The following MIPOL1 variants were observed in gnomAD, a reference collection of about 807,000 sequenced individuals.
MIPOL1 encodes mirror-image polydactyly 1, also known as mirror-image polydactyly gene 1 protein.
A neutral mutation model predicts 60.9 loss-of-function variants in MIPOL1; 57 were observed. The observed-to-expected ratio is 0.94, with a 90% CI of 0.76 to 1.17. MIPOL1 has a LOEUF of 1.17. Among genes scored for constraint, MIPOL1 ranks in the 50% most tolerant of loss-of-function variants. The probability of loss-of-function intolerance (pLI) is 0.00; values close to 1 mark genes in which losing one functional copy is unlikely to be tolerated. For missense variants in MIPOL1, 551 were observed against 511.6 expected, an observed-to-expected ratio of 1.08 and a Z score of -0.74; for synonymous variants, 179 against 168.8, an observed-to-expected ratio of 1.06 and a Z score of -0.47.
intron 11 of MIPOL1, among the ~76,000 whole-genome samples, chr14:37,442,325 G>T (rs1183108049): frequency 1.3e-5 from 2 of 151,946 alleles, no homozygotes; most frequent in African/African-American, 2.4e-5. Context: ...AAAGAGAGAT[G>T]GTTTGACTTC....
chr14:37,377,746 C>CTTTTTTTTT (rs370238755), intron 10 of MIPOL1, among the ~76,000 whole-genome samples: 1 of 120,974 alleles, frequency 8.3e-6, no homozygotes, highest in African/African-American at 3.1e-5. Context: ...ATTTTTATGC[C>CTTTTTTTTT]TTTTTTTTTT....
chr14:37,432,091 G>A (rs1025525666), intron 11 of MIPOL1, among the ~76,000 whole-genome samples: 2 of 152,094 alleles, frequency 1.3e-5, no homozygotes, highest in African/African-American at 4.8e-5. Flanking sequence ...TTCTCATGTC[G>A]TCATTTCCTC....
chr14:37,235,996 G>T (rs1327822864), intron 1 of MIPOL1, among the ~76,000 whole-genome samples: 1 of 151,022 alleles, frequency 6.6e-6, no homozygotes, highest in Non-Finnish European at 1.5e-5. Context: ...GCACGATCTC[G>T]GCTCACTGCA....
At chr14:37,287,052 C>G (rs947145615) in intron 7 of MIPOL1, among the ~76,000 whole-genome samples, 1 of 152,068 alleles carries the variant, frequency 6.6e-6, no homozygotes, top group African/African-American at 2.4e-5. Flanking sequence ...ATTGGTTCTG[C>G]TGCTTCCTTG....
At chr14:37,199,646 T>C (rs1566960332) in intron 1 of MIPOL1, among the ~76,000 whole-genome samples, 1 of 152,074 alleles carries the variant, frequency 6.6e-6, no homozygotes, top group Non-Finnish European at 1.5e-5. Flanking sequence ...TGTCTCAGCC[T>C]CCCGAGTAGC....
chr14:37,240,940 T>TACACACACAC (rs10554089), intron 1 of MIPOL1, among the ~76,000 whole-genome samples: 2 of 145,990 alleles, frequency 1.4e-5, no homozygotes, highest in Admixed American at 6.8e-5. Context: ...CACACACACA[T>TACACACACAC]ACACACACAC....
chr14:37,479,365 A>G (rs898433704), intron 11 of MIPOL1, among the ~76,000 whole-genome samples: 1 of 152,180 alleles, frequency 6.6e-6, no homozygotes, highest in East Asian at 1.9e-4. Flanking sequence ...CCACGTTAGT[A>G]TGAACCCTAG....
intron 1 of MIPOL1, among the ~76,000 whole-genome samples, chr14:37,241,907 C>T (rs1292449914): frequency 6.6e-6 from 1 of 152,000 alleles, no homozygotes; most frequent in Admixed American, 6.6e-5. Flanking sequence ...ACATTCTTGC[C>T]ATATGTATTA....
At chr14:37,424,299 G>T (rs1000931821) in intron 11 of MIPOL1, among the ~76,000 whole-genome samples, 1 of 152,106 alleles carries the variant, frequency 6.6e-6, no homozygotes, top group African/African-American at 2.4e-5. Flanking sequence ...AAAGTCAGTA[G>T]GGTGGGCTCT....
At chr14:37,209,755 G>A (rs977064339) in intron 1 of MIPOL1, among the ~76,000 whole-genome samples, 1 of 152,154 alleles carries the variant, frequency 6.6e-6, no homozygotes, top group African/African-American at 2.4e-5. Flanking sequence ...CCAGGCTGGA[G>A]TACAGTGGTG....
At chr14:37,214,438 C>T (rs976658433) in intron 1 of MIPOL1, among the ~76,000 whole-genome samples, 1 of 152,114 alleles carries the variant, frequency 6.6e-6, no homozygotes, top group African/African-American at 2.4e-5. Context: ...TATTTGCAAG[C>T]CTCATTGTGG....
rs116483905 is a variant in MIPOL1, at chr14:37,266,260, A to T, written c.20-678A>T. Among the ~76,000 whole-genome samples, 384 of 152,322 alleles carry T rather than the reference A, an allele frequency of 2.5e-3. 1 individual carries two copies. The highest frequency in any genetic ancestry group is 9.0e-3 in the African/African-American group (376 of 41,570). ...GCCAAAGAAAGAGAACTATAAAACTAGTAAACAACCATTTACATTTGACAG... is the reference window on the plus strand; with the variant it reads ...GCCAAAGAAAGAGAACTATAAAACTTGTAAACAACCATTTACATTTGACAG... On this transcript the variant is annotated intron_variant, in intron 3 of 12. Coordinates refer to ENST00000684589, the MANE Select transcript of MIPOL1 (RefSeq NM_001388067.1).
chr14:37,526,572 G>A (rs1306340412), intron 12 of MIPOL1, among the ~76,000 whole-genome samples: 12 of 148,888 alleles, frequency 8.1e-5, no homozygotes, highest in Non-Finnish European at 1.3e-4. Flanking sequence ...TAGTAGAGAC[G>A]GGGTTTCACC....
chr14:37,423,723 T>C (rs1426979345), intron 11 of MIPOL1: 3 of 152,158 alleles, frequency 2.0e-5, no homozygotes, highest in African/African-American at 4.8e-5. Flanking sequence ...TTTTGAAAGA[T>C]TTTTGTTTTA....
At chr14:37,414,863 A>C (rs991134901) in intron 10 of MIPOL1, among the ~76,000 whole-genome samples, 1 of 152,166 alleles carries the variant, frequency 6.6e-6, no homozygotes, top group East Asian at 1.9e-4. Flanking sequence ...ATAGTGTCTT[A>C]AAAACACACT....
At chr14:37,244,779 C>G in intron 1 of MIPOL1, among the ~76,000 whole-genome samples, 1 of 151,968 alleles carries the variant, frequency 6.6e-6, no homozygotes, top group Non-Finnish European at 1.5e-5. Flanking sequence ...TGACTGAAAA[C>G]AAATTCTTGA....
chr14:37,317,731 C>T (rs575909108), intron 9 of MIPOL1, among the ~76,000 whole-genome samples: 1 of 152,056 alleles, frequency 6.6e-6, no homozygotes, highest in African/African-American at 2.4e-5. Flanking sequence ...GAGAAAAAGG[C>T]ACTAGAAATA....
chr14:37,343,960 C>T (rs1313149143), intron 9 of MIPOL1, among the ~76,000 whole-genome samples: 1 of 152,064 alleles, frequency 6.6e-6, no homozygotes, highest in Non-Finnish European at 1.5e-5. Flanking sequence ...AATGTTCCAT[C>T]TTTTTAAAAT....
intron 9 of MIPOL1, among the ~76,000 whole-genome samples, chr14:37,325,270 C>A (rs2089029005): frequency 6.6e-6 from 1 of 151,994 alleles, no homozygotes; most frequent in African/African-American, 2.4e-5. Context: ...TCCGTTTACC[C>A]TCGTCTTTTT....
Sources: gnomAD v4.1 joint callset for allele counts (sites outside exome capture counted in the v4.1 genomes callset) on GRCh38, gnomAD v4.1.1 for gene constraint, MANE v1.5 for transcripts, NCBI Gene and HGNC (gene_info 2026-07-23, HGNC 2026-07-21) for gene names.